Variants in NMRK1 observed in about 807,000 individuals in gnomAD.
The protein encoded by NMRK1 is nicotinamide riboside kinase 1, also known as NRK 1.
NMRK1 carries 28 observed loss-of-function variants against 29.9 expected under a neutral mutation model. The ratio of observed to expected loss-of-function variants is 0.94; its 90% CI spans 0.69 to 1.28. NMRK1 has a LOEUF of 1.28. NMRK1 is among the 50% of genes most tolerant of loss of function. The probability of loss-of-function intolerance (pLI) is 0.00; values close to 1 mark genes in which losing one functional copy is unlikely to be tolerated. For synonymous variants in NMRK1, 58 were observed against 73.0 expected, an observed-to-expected ratio of 0.79 and a Z score of 1.05; for missense variants, 218 against 233.1, an observed-to-expected ratio of 0.94 and a Z score of 0.42.
At chr9:75,068,280 T>G (rs1326963535) in intron 7 of NMRK1, among the ~76,000 whole-genome samples, 1 of 152,164 alleles carries the variant, frequency 6.6e-6, no homozygotes, top group East Asian at 1.9e-4. Flanking sequence ...AATCATGCCC[T>G]TGTTTAAAAC....
chr9:75,081,846 A>G (rs1824340884), intron 2 of NMRK1, among the ~76,000 whole-genome samples: 1 of 152,232 alleles, frequency 6.6e-6, no homozygotes, highest in African/African-American at 2.4e-5. Flanking sequence ...CCTTCTGCCC[A>G]GTGACAGGCT....
intron 2 of NMRK1, chr9:75,078,368 T>C: frequency 6.4e-7 from 1 of 1,572,046 alleles, no homozygotes. Flanking sequence ...TTTCCCCATC[T>C]CTCTCCACCT....
chr9:75,062,668 T>C (rs1156516306), intron 8 of NMRK1, among the ~76,000 whole-genome samples: 11 of 152,256 alleles, frequency 7.2e-5, no homozygotes, highest in African/African-American at 2.4e-4. Flanking sequence ...GGATGTGTAC[T>C]CATTAAAATG....
rs1320302422 is a variant in NMRK1, at chr9:75,088,124, C to A, written c.-152G>T. On this transcript the variant is annotated 5_prime_UTR_variant, in exon 1 of 9. Coordinates refer to ENST00000361092, the MANE Select transcript of NMRK1 (RefSeq NM_017881.3). The stretch of plus-strand genomic sequence containing the variant: ...CCCCGAGAGGCCCACAGCCCCTTTC[C>A]CCACGCTCCTCCTGGGTTAGAGGGA... 6.6e-6 allele frequency: 1 copy of A among 152,514 alleles called. No homozygotes were observed. Among genetic ancestry groups the A allele is most frequent in the African/African-American group, 2.4e-5 (1 of 41,440 alleles). The allele number at this position is 152,514 out of a possible 1,614,324, so 9.4% of individuals were successfully genotyped here. A position where few individuals can be genotyped will look rare whatever the true frequency, so the allele number is the denominator to read the frequency against.
chr9:75,085,246 AC>A (rs1327526678), intron 1 of NMRK1, among the ~76,000 whole-genome samples: 1 of 152,148 alleles, frequency 6.6e-6, no homozygotes, highest in Non-Finnish European at 1.5e-5. Flanking sequence ...TACTTGGTCT[AC>A]CCCTTCATTT....
intron 2 of NMRK1, among the ~76,000 whole-genome samples, chr9:75,079,782 T>A (rs35264246): frequency 0.12 from 18,764 of 151,618 alleles, 1,188 homozygotes; most frequent in South Asian, 0.18. Context: ...GGGAATAGGA[T>A]GGGGTAAAGG....
intron 4 of NMRK1, among the ~76,000 whole-genome samples, chr9:75,071,909 G>A (rs1449747099): frequency 4.6e-5 from 7 of 152,192 alleles, no homozygotes; most frequent in Admixed American, 1.3e-4. Flanking sequence ...ACTGCCAGGT[G>A]GAGGCGAAAG....
intron 1 of NMRK1, among the ~76,000 whole-genome samples, chr9:75,085,819 G>C (rs1030792075): frequency 2.4e-4 from 35 of 145,138 alleles, no homozygotes; most frequent in Non-Finnish European, 3.6e-4. Flanking sequence ...CCAGTGTTTG[G>C]GTAAATGCTG....
At chr9:75,074,978 A>G (rs1219622516) in intron 4 of NMRK1, among the ~76,000 whole-genome samples, 1 of 152,200 alleles carries the variant, frequency 6.6e-6, no homozygotes, top group Non-Finnish European at 1.5e-5. Context: ...GACTGTACCA[A>G]TTTATCTATA....
chr9:75,068,538 T>G (rs776709671), intron 7 of NMRK1, among the ~76,000 whole-genome samples: 16 of 152,182 alleles, frequency 1.1e-4, no homozygotes, highest in Non-Finnish European at 4.4e-5. Context: ...ACCCATCTCC[T>G]TTGTTCAGTT....
chr9:75,072,679 A>C (rs922277152), intron 4 of NMRK1, among the ~76,000 whole-genome samples: 1 of 152,184 alleles, frequency 6.6e-6, no homozygotes, highest in Non-Finnish European at 1.5e-5. Flanking sequence ...CATTAGAAAA[A>C]GTTTTTGAAA....
At chr9:75,062,222 T>C (rs1391851316) in intron 8 of NMRK1, among the ~76,000 whole-genome samples, 3 of 152,212 alleles carry the variant, frequency 2.0e-5, no homozygotes, top group African/African-American at 7.2e-5. Context: ...GAAACACTTG[T>C]AACAACAGTA....
At position 75,060,672 on chromosome 9, in the gene NMRK1, A is replaced by T. The variant is rs1822969963; in HGVS notation, c.*876T>A. The T allele has an allele frequency of 6.6e-6, 1 of 152,102 alleles. No individual in the cohort carries two copies. The highest frequency in any genetic ancestry group is 2.1e-4 in the South Asian group (1 of 4,822). The allele number at this position is 152,102 out of a possible 1,614,324, so 9.4% of individuals were successfully genotyped here. The stretch of plus-strand genomic sequence containing the variant: ...AGCCTCAAGAGATCACACAATTCAG[A>T]TCTCCTTCTGTGCTTTCCAAAGATA... On this transcript the variant is annotated 3_prime_UTR_variant, in exon 9 of 9. Transcript: ENST00000361092.
In NMRK1 at chr9:75,077,178, A is replaced by G. The variant is rs1435426777; in HGVS notation, c.150T>C (p.Asn50=). Residue 50 remains asparagine, a synonymous_variant, in exon 4 of 9, where the codon AAT becomes AAC. Coordinates refer to ENST00000361092, the MANE Select transcript of NMRK1 (RefSeq NM_017881.3). ...ACTTACCATCGTACTGCAAAAATCC[A>G]TTTTTATCTGTCTCTATCTCAGACT... ...KPESEIETDK[N]GFLQYDVLEA... 6.3e-7 allele frequency: 1 copy of G among 1,594,946 alleles called. No homozygotes were observed. The highest frequency in any genetic ancestry group is 1.1e-5 in the South Asian group (1 of 89,814).
chr9:75,083,136 G>C lies in NMRK1; in HGVS notation c.-21C>G. Reference sequence around the variant, plus strand: ...TTCATAATTAGCTTTGAAAATCACAGCTTCCTAATATTTCCTAAAAGTAAA... The same window carrying C: ...TTCATAATTAGCTTTGAAAATCACACCTTCCTAATATTTCCTAAAAGTAAA... On this transcript the variant is annotated 5_prime_UTR_variant, in exon 2 of 9. Coordinates refer to ENST00000361092, the MANE Select transcript of NMRK1 (RefSeq NM_017881.3). 2 of 1,546,044 alleles carry C rather than the reference G, an allele frequency of 1.3e-6. No individual in the cohort carries two copies. Among genetic ancestry groups the C allele is most frequent in the Non-Finnish European group, 1.8e-6 (2 of 1,118,052 alleles).
intron 2 of NMRK1, among the ~76,000 whole-genome samples, 185 bp from the exon 3 acceptor site, chr9:75,077,765 A>G (rs1824088578): frequency 6.6e-6 from 1 of 151,872 alleles, no homozygotes; most frequent in Admixed American, 6.6e-5. Context: ...CCTCCCGAGG[A>G]GCTGGGATTA....
At chr9:75,070,827 G>A (rs1019988860) in intron 4 of NMRK1, among the ~76,000 whole-genome samples, 3 of 152,060 alleles carry the variant, frequency 2.0e-5, no homozygotes, top group Non-Finnish European at 4.4e-5. Flanking sequence ...TTTGGTAAGC[G>A]ATGTCTTTCT....
chr9:75,084,385 G>C (rs918935716), intron 1 of NMRK1, among the ~76,000 whole-genome samples: 2 of 152,236 alleles, frequency 1.3e-5, no homozygotes, highest in Admixed American at 6.5e-5. Context: ...GAGGGCTATT[G>C]TTGTCTGACT....
chr9:75,065,037 T>C (rs1823256303), intron 8 of NMRK1, among the ~76,000 whole-genome samples: 1 of 152,242 alleles, frequency 6.6e-6, no homozygotes. Context: ...GGGCTGTCTG[T>C]CTCCCAGGGT....
Sources: allele counts gnomAD v4.1 joint callset (sites outside exome capture counted in the v4.1 genomes callset), GRCh38; gene constraint gnomAD v4.1.1; transcripts MANE v1.5; gene names NCBI Gene and HGNC (gene_info 2026-07-23, HGNC 2026-07-21).